Variants in PPARGC1B observed in about 807,000 individuals in gnomAD.
PPARGC1B encodes PPARG coactivator 1 beta.
A neutral mutation model predicts 101.6 loss-of-function variants in PPARGC1B; 34 were observed. The observed-to-expected ratio is 0.33, with a 90% CI of 0.25 to 0.45. The LOEUF is 0.45. Ranked by LOEUF, PPARGC1B falls within the 20% of genes least tolerant of loss-of-function variation. PPARGC1B has a pLI of 1.00. For synonymous variants in PPARGC1B, 548 were observed against 539.3 expected, an observed-to-expected ratio of 1.02 and a Z score of -0.22; for missense variants, 1,234 against 1,317.6, an observed-to-expected ratio of 0.94 and a Z score of 0.98.
chr5:149,730,682 C>G lies in PPARGC1B; in HGVS notation c.78+262C>G, dbSNP rs1754420680. Among the ~76,000 whole-genome samples, 1 of 152,160 alleles carries G rather than the reference C, an allele frequency of 6.6e-6. No homozygotes were observed. The highest frequency in any genetic ancestry group is 2.4e-5 in the African/African-American group (1 of 41,454). ...GCCTTGGCCGCTTGGAGTCTGCCACCCCGCGGGCAAAACTGGGGGGTACCG... is the reference window on the plus strand; with the variant it reads ...GCCTTGGCCGCTTGGAGTCTGCCACGCCGCGGGCAAAACTGGGGGGTACCG... On this transcript the variant is annotated intron_variant, in intron 1 of 11. Coordinates refer to ENST00000309241, the MANE Select transcript of PPARGC1B (RefSeq NM_133263.4). The surrounding 1 kb of genome is among the most constrained non-coding windows in gnomAD (Gnocchi z 4.0).
At chr5:149,814,608 T>C (rs961992992) in intron 1 of PPARGC1B, among the ~76,000 whole-genome samples, 9 of 152,170 alleles carry the variant, frequency 5.9e-5, no homozygotes, top group South Asian at 4.1e-4. Context: ...TCAGTAGTTC[T>C]GAGAATCTGC....
chr5:149,760,828 G>A (rs762482446), intron 1 of PPARGC1B, among the ~76,000 whole-genome samples: 2 of 152,186 alleles, frequency 1.3e-5, no homozygotes, highest in African/African-American at 2.4e-5. Context: ...GTCCCACAGT[G>A]TACACCCAGT....
intron 1 of PPARGC1B, among the ~76,000 whole-genome samples, chr5:149,783,157 C>T (rs932103232): frequency 1.3e-5 from 2 of 152,022 alleles, no homozygotes; most frequent in East Asian, 3.9e-4. Flanking sequence ...ACATTTGTTC[C>T]CCTCCTGCCA....
At position 149,836,367 on chromosome 5, in the gene PPARGC1B, T is replaced by A. The variant is rs1759075901; in HGVS notation, c.1912T>A (p.Ser638Thr). The A allele has an allele frequency of 1.9e-6, 3 of 1,613,764 alleles. No individual in the cohort carries two copies. In the African/African-American group the frequency reaches 4.0e-5, roughly 22 times the overall value. Residue 638 changes from serine (S) to threonine (T), a missense_variant, in exon 8 of 12, where the codon TCC (serine) becomes ACC (threonine). Physicochemically the swap from Ser to Thr is moderately conservative, Grantham distance 58. Transcript: ENST00000309241. Reference protein sequence around the residue: ...LGKEIALSLPSPEGLSLKATP... With the variant: ...LGKEIALSLPTPEGLSLKATP... ...CAAAGAAATAGCTCTCAGCCTCCCC[T>A]CCCCTGAGGGCCTCTCACTCAAGGC...
rs572557804 is a variant in PPARGC1B at position 149,781,945 on chromosome 5, C to G, written c.79-38488C>G. 3.9e-5 allele frequency among the ~76,000 whole-genome samples: 6 copies of G among 152,196 alleles called. No homozygotes were observed. The South Asian group carries it at 1.2e-3, about 32-fold the overall frequency. Reference sequence around the variant, plus strand: ...AGAAAAACAATCATTAATGCCATTCCTGGTCAGTACCAAGCAAGTGACTCA... The same window carrying G: ...AGAAAAACAATCATTAATGCCATTCGTGGTCAGTACCAAGCAAGTGACTCA... On this transcript the variant is annotated intron_variant, in intron 1 of 11. Coordinates refer to ENST00000309241, the MANE Select transcript of PPARGC1B (RefSeq NM_133263.4).
intron 1 of PPARGC1B, among the ~76,000 whole-genome samples, chr5:149,802,860 G>A (rs776143991): frequency 2.6e-5 from 4 of 152,098 alleles, no homozygotes; most frequent in Non-Finnish European, 4.4e-5. Context: ...GAAGGGCTGC[G>A]GTATTTAATA....
intron 1 of PPARGC1B, among the ~76,000 whole-genome samples, chr5:149,807,913 G>A (rs1757663219): frequency 6.6e-6 from 1 of 152,150 alleles, no homozygotes; most frequent in African/African-American, 2.4e-5. Context: ...GAGGGCTAAG[G>A]TAAGGCAAAG....
rs528824150 is a variant in PPARGC1B, at chr5:149,822,860, G to GGAGCCCATAGGACTA, written c.252+2259_252+2260insCATAGGACTAGAGCC. Among the ~76,000 whole-genome samples, 866 of 152,308 alleles carry GGAGCCCATAGGACTA rather than the reference G, an allele frequency of 5.7e-3. 8 individuals are homozygous for GGAGCCCATAGGACTA. Among genetic ancestry groups the GGAGCCCATAGGACTA allele is most frequent in the African/African-American group, 0.02 (814 of 41,560 alleles). ...TCCAAAAACCTTGAGCTGGGATCTA[G>GGAGCCCATAGGACTA]GAGCCATAGGTTCTAGTCCCCCTTC... is the stretch of plus-strand genomic sequence containing the variant. On this transcript the variant is annotated intron_variant, in intron 2 of 11. Transcript: ENST00000309241.
intron 1 of PPARGC1B, among the ~76,000 whole-genome samples, chr5:149,816,970 T>A (rs900749803): frequency 6.6e-5 from 10 of 152,136 alleles, no homozygotes; most frequent in Non-Finnish European, 2.9e-5. Flanking sequence ...TCCTTTCCAA[T>A]CCCTTCCTGA....
chr5:149,792,075 G>A (rs982598703), intron 1 of PPARGC1B, among the ~76,000 whole-genome samples: 1 of 152,142 alleles, frequency 6.6e-6, no homozygotes. Context: ...GAAGAGAACA[G>A]AGTGGCCTGG....
At chr5:149,824,357 C>A (rs758614169) in intron 2 of PPARGC1B, among the ~76,000 whole-genome samples, 5 of 152,150 alleles carry the variant, frequency 3.3e-5, no homozygotes, top group Non-Finnish European at 5.9e-5. Context: ...CGCCATTGTT[C>A]ATTGTTTGGT....
At chr5:149,754,774 ATTT>A (rs10560122) in intron 1 of PPARGC1B, among the ~76,000 whole-genome samples, 12,630 of 68,396 alleles carry the variant, frequency 0.18, 962 homozygotes, top group African/African-American at 0.26. Flanking sequence ...GAGCATCCTG[ATTT>A]TTTTTTTTTT....
Position 149,771,379 on chromosome 5 carries a change from G to A in PPARGC1B, c.78+40959G>A, listed in dbSNP as rs549162029. ...CCAAAGGCATCTGCAGCCCAGGTAG[G>A]CAGGTTTCCTTACACAAGTGGACTC... On this transcript the variant is annotated intron_variant, in intron 1 of 11. Coordinates refer to ENST00000309241, the MANE Select transcript of PPARGC1B (RefSeq NM_133263.4). 2.3e-4 allele frequency among the ~76,000 whole-genome samples: 35 copies of A among 152,344 alleles called. No homozygotes were observed. The South Asian group carries it at 6.8e-3, about 30-fold the overall frequency.
intron 1 of PPARGC1B, chr5:149,818,817 A>G (rs1054936324): frequency 2.2e-6 from 1 of 456,546 alleles, no homozygotes; most frequent in Non-Finnish European, 4.4e-6. Flanking sequence ...AGGCCGGGCT[A>G]TAATGACATT....
intron 3 of PPARGC1B, among the ~76,000 whole-genome samples, chr5:149,827,236 A>G (rs1758568198): frequency 6.6e-6 from 1 of 152,240 alleles, no homozygotes; most frequent in Non-Finnish European, 1.5e-5. Flanking sequence ...TGGACAGTTA[A>G]AAGCAAAACC....
At chr5:149,808,655 C>T (rs1045809262) in intron 1 of PPARGC1B, among the ~76,000 whole-genome samples, 12 of 152,154 alleles carry the variant, frequency 7.9e-5, no homozygotes, top group Non-Finnish European at 1.2e-4. Context: ...TTGGTCTTGT[C>T]TTGGGGCTGT....
intron 3 of PPARGC1B, among the ~76,000 whole-genome samples, chr5:149,828,883 ATT>A (rs201069324): frequency 3.2e-4 from 46 of 144,482 alleles, no homozygotes; most frequent in African/African-American, 7.9e-4. Flanking sequence ...CATCTCTATG[ATT>A]TTTTTTTTTT....
intron 11 of PPARGC1B, 29 bp downstream of exon 11, chr5:149,845,943 A>C: frequency 6.2e-7 from 1 of 1,614,104 alleles, no homozygotes; most frequent in Non-Finnish European, 8.5e-7. Context: ...GCCACAGTCT[A>C]GTAAGACTCA....
chr5:149,776,472 G>T (rs1421530500), intron 1 of PPARGC1B, among the ~76,000 whole-genome samples: 1 of 152,218 alleles, frequency 6.6e-6, no homozygotes, highest in Non-Finnish European at 1.5e-5. Context: ...ACTCAGGACA[G>T]TTTGCATCCC....
Sources: gnomAD v4.1 joint callset for allele counts (sites outside exome capture counted in the v4.1 genomes callset) on GRCh38, gnomAD v4.1.1 for gene constraint, Gnocchi (gnomAD v3.1) non-coding constraint, MANE v1.5 for transcripts, NCBI Gene and HGNC (gene_info 2026-07-23, HGNC 2026-07-21) for gene names.